The following CSMD1 variants were observed in gnomAD, a reference collection of about 807,000 sequenced individuals.
CSMD1 encodes CUB and sushi domain-containing protein 1.
CSMD1 carries 213 observed loss-of-function variants against 417.5 expected under a neutral mutation model. That is an observed-to-expected ratio of 0.51 (90% confidence interval 0.46 to 0.57). The LOEUF is 0.57. CSMD1 is among the 20% of genes least tolerant of loss of function. The pLI is 0.00. For synonymous variants in CSMD1, 2,862 were observed against 1,736.8 expected (o/e 1.65, Z -16.11); for missense variants, 6,923 against 4,529.7 (o/e 1.53, Z -15.17).
intron 10 of CSMD1, among the ~76,000 whole-genome samples, chr8:3,495,383 T>C (rs1796321349): frequency 6.6e-6 from 1 of 152,110 alleles, no homozygotes; most frequent in East Asian, 1.9e-4. Context: ...TTGTGTGTCA[T>C]GTTTGGCTGA....
chr8:3,324,528 T>A (rs1208293418), intron 23 of CSMD1, among the ~76,000 whole-genome samples: 1 of 148,522 alleles, frequency 6.7e-6, no homozygotes, highest in African/African-American at 2.5e-5. Flanking sequence ...GGAGGGGGAG[T>A]TTCTTCCCCC....
chr8:3,798,754 T>G (rs1011548414), intron 5 of CSMD1, among the ~76,000 whole-genome samples: 1 of 152,048 alleles, frequency 6.6e-6, no homozygotes, highest in African/African-American at 2.4e-5. Context: ...AGATCAGTAT[T>G]TAGAAATTTT....
chr8:4,743,436 C>G (rs987934166), intron 1 of CSMD1, among the ~76,000 whole-genome samples: 2 of 152,060 alleles, frequency 1.3e-5, no homozygotes, highest in Non-Finnish European at 2.9e-5. Context: ...GAACGTGTGT[C>G]AAGAATGAGC....
At chr8:4,936,442 A>AT (rs1257102626) in intron 1 of CSMD1, among the ~76,000 whole-genome samples, 1 of 152,162 alleles carries the variant, frequency 6.6e-6, no homozygotes, top group Non-Finnish European at 1.5e-5. Flanking sequence ...AAATAGAAGG[A>AT]TTTTTGTCCA....
chr8:2,971,153 T>C (rs1804421574), intron 57 of CSMD1, among the ~76,000 whole-genome samples: 1 of 152,208 alleles, frequency 6.6e-6, no homozygotes, highest in Admixed American at 6.5e-5. Context: ...TTTGATGCAA[T>C]GTTGTCTCAT....
chr8:4,304,985 C>G (rs1332945040), intron 3 of CSMD1, among the ~76,000 whole-genome samples: 5 of 152,154 alleles, frequency 3.3e-5, no homozygotes, highest in Admixed American at 2.6e-4. Flanking sequence ...ATGGTAATGC[C>G]AATGCCTGTT....
At chr8:4,566,345 TGAAAATGGTTTATAA>T (rs367918342) in intron 2 of CSMD1, among the ~76,000 whole-genome samples, 101 of 152,200 alleles carry the variant, frequency 6.6e-4, no homozygotes, top group African/African-American at 2.3e-3. Flanking sequence ...CAAGAGTCCA[TGAAAATGGTTTATAA>T]GAAATTTAGT....
intron 2 of CSMD1, among the ~76,000 whole-genome samples, chr8:4,494,335 A>C (rs1210710146): frequency 6.6e-6 from 1 of 152,202 alleles, no homozygotes; most frequent in Non-Finnish European, 1.5e-5. Context: ...GGCCATGGTA[A>C]ATTGCAATTG....
chr8:4,390,794 G>A (rs1057297183), intron 3 of CSMD1, among the ~76,000 whole-genome samples: 1 of 152,034 alleles, frequency 6.6e-6, no homozygotes, highest in African/African-American at 2.4e-5. Context: ...ACCTGCCTCA[G>A]CCTCCCAAAG....
chr8:4,238,331 G>C (rs977932029), intron 3 of CSMD1, among the ~76,000 whole-genome samples: 1 of 152,198 alleles, frequency 6.6e-6, no homozygotes, highest in African/African-American at 2.4e-5. Flanking sequence ...GCATGTGCGC[G>C]AGGGTGGTCC....
At chr8:4,698,767 AAT>A (rs1444059173) in intron 1 of CSMD1, among the ~76,000 whole-genome samples, 6 of 151,152 alleles carry the variant, frequency 4.0e-5, no homozygotes, top group African/African-American at 1.5e-4. Flanking sequence ...TAAAAAAAAA[AAT>A]TCCACCATAT....
chr8:3,345,937 T>C (rs1329188136), intron 22 of CSMD1, among the ~76,000 whole-genome samples: 1 of 152,234 alleles, frequency 6.6e-6, no homozygotes, highest in Non-Finnish European at 1.5e-5. Context: ...ATCTCTTACA[T>C]GATTTTTCCA....
Position 2,938,552 on chromosome 8 carries a change from G to A in CSMD1, c.*33C>T. On this transcript the variant is annotated 3_prime_UTR_variant, in exon 70 of 70. Transcript: ENST00000635120. Reference sequence around the variant, plus strand: ...ATCACTGCTTGTCCATCAGAGGTATGGCTATGAATCAGTCCTGTTGGGGCA... The same window carrying A: ...ATCACTGCTTGTCCATCAGAGGTATAGCTATGAATCAGTCCTGTTGGGGCA... The A allele has an allele frequency of 1.3e-6, 2 of 1,590,116 alleles. No individual in the cohort carries two copies. The highest frequency in any genetic ancestry group is 8.6e-7 in the Non-Finnish European group (1 of 1,165,992).
intron 7 of CSMD1, among the ~76,000 whole-genome samples, chr8:3,697,040 T>C (rs569702119): frequency 3.9e-5 from 6 of 152,274 alleles, no homozygotes; most frequent in South Asian, 2.1e-4. Context: ...TCCTCTTCCA[T>C]TGAGGGCAGA....
At chr8:4,103,597 G>C (rs1415773855) in intron 3 of CSMD1, among the ~76,000 whole-genome samples, 2 of 152,060 alleles carry the variant, frequency 1.3e-5, no homozygotes, top group Non-Finnish European at 2.9e-5. Context: ...GACTCATTCA[G>C]ATATTTTCAT....
chr8:3,991,913 C>T (rs565971264), intron 5 of CSMD1, among the ~76,000 whole-genome samples: 1 of 151,984 alleles, frequency 6.6e-6, no homozygotes, highest in African/African-American at 2.4e-5. Context: ...GTAGCAGTAG[C>T]AACTATTGTT....
intron 2 of CSMD1, among the ~76,000 whole-genome samples, chr8:4,602,316 G>T (rs1157190882): frequency 6.6e-6 from 1 of 152,102 alleles, no homozygotes; most frequent in Non-Finnish European, 1.5e-5. Flanking sequence ...CACTTCAGAG[G>T]TCCGAAGCCA....
chr8:4,877,587 A>G (rs531261813), intron 1 of CSMD1, among the ~76,000 whole-genome samples: 21 of 152,146 alleles, frequency 1.4e-4, no homozygotes, highest in Admixed American at 8.5e-4. Context: ...ATTTACTCAT[A>G]ACCATTTCTC....
At chr8:4,524,252 C>G (rs1214153466) in intron 2 of CSMD1, among the ~76,000 whole-genome samples, 4 of 129,252 alleles carry the variant, frequency 3.1e-5, no homozygotes, top group Non-Finnish European at 6.7e-5. Context: ...AGACAACACT[C>G]AAAAAAAAAA....
Sources: gnomAD v4.1 joint callset for allele counts (sites outside exome capture counted in the v4.1 genomes callset) on GRCh38, gnomAD v4.1.1 for gene constraint, MANE v1.5 for transcripts, NCBI Gene and HGNC (gene_info 2026-07-23, HGNC 2026-07-21) for gene names.